Variants in RIOK3 observed in about 807,000 individuals in gnomAD.
The protein encoded by RIOK3 is serine/threonine-protein kinase RIO3.
In RIOK3, 40 loss-of-function variants were observed where a neutral mutation model predicts 63.5. The observed-to-expected ratio is 0.63, with a 90% CI of 0.49 to 0.82. RIOK3 has a LOEUF of 0.82. Among genes scored for constraint, RIOK3 ranks in the 40% least tolerant of loss-of-function variants. The pLI is 0.00. For synonymous variants in RIOK3, 193 were observed against 205.0 expected (o/e 0.94, Z 0.50); for missense variants, 557 against 637.0 (o/e 0.87, Z 1.35).
At chr18:23,459,447 G>T (rs2145671205) in intron 1 of RIOK3, among the ~76,000 whole-genome samples, 1 of 152,294 alleles carries the variant, frequency 6.6e-6, no homozygotes, top group Admixed American at 6.5e-5. Flanking sequence ...CCTTCAAGGG[G>T]TTCATGCTCC....
chr18:23,464,383 CT>C, intron 4 of RIOK3, 70 bp downstream of exon 4: 1 of 1,241,790 alleles, frequency 8.1e-7, no homozygotes, highest in Non-Finnish European at 1.1e-6. Flanking sequence ...TCAATGAACT[CT>C]TTTAGTTTTA....
intron 1 of RIOK3, among the ~76,000 whole-genome samples, chr18:23,456,121 C>T (rs991589249): frequency 7.9e-5 from 12 of 151,718 alleles, no homozygotes; most frequent in Non-Finnish European, 1.6e-4. Flanking sequence ...GTGTAGAGAT[C>T]GGATTTCACC....
At chr18:23,467,663 G>A in intron 7 of RIOK3, 137 bp downstream of exon 7, 1 of 772,948 alleles carries the variant, frequency 1.3e-6, no homozygotes, top group South Asian at 2.0e-5. Flanking sequence ...GAAAGTCTAG[G>A]CAGTATAGGA....
rs1484643222 is a variant in RIOK3 at position 23,466,414 on chromosome 18, CA to C, written c.687+139del. On this transcript the variant is annotated intron_variant, in intron 6 of 12. Coordinates refer to ENST00000339486, the MANE Select transcript of RIOK3 (RefSeq NM_003831.5). ...TTTAAATCAAAGATGTAAATAAATC[CA>C]GCCACTGTGGTGCCCGCCTGTAATC... The C allele has an allele frequency of 2.2e-5, 16 of 715,698 alleles. No homozygotes were observed. The Admixed American group carries it at 3.3e-4, about 15-fold the overall frequency. 44.3% of individuals were successfully genotyped at this position (715,698 alleles called of 1,614,324 possible).
chr18:23,467,838 G>A (rs1055404889), intron 7 of RIOK3, among the ~76,000 whole-genome samples: 7 of 151,936 alleles, frequency 4.6e-5, no homozygotes, highest in Non-Finnish European at 5.9e-5. Context: ...GTGCAGTGGC[G>A]TGATCTTGGC....
rs141332719 is a variant in RIOK3, at chr18:23,459,713, C to T, written c.64-3251C>T. On this transcript the variant is annotated intron_variant, in intron 1 of 12. Transcript: ENST00000339486. ...TTTGAGACAGTCTCGCTCTGTCACC[C>T]GGGCTGGAGTGAAGTGGCGCAATCT... 4.8e-3 allele frequency among the ~76,000 whole-genome samples: 726 copies of T among 152,282 alleles called. 3 individuals are homozygous for T. Among genetic ancestry groups the T allele is most frequent in the African/African-American group, 0.016 (665 of 41,550 alleles).
intron 1 of RIOK3, among the ~76,000 whole-genome samples, chr18:23,458,307 G>A (rs948063778): frequency 2.0e-5 from 3 of 152,092 alleles, no homozygotes; most frequent in Admixed American, 2.0e-4. Flanking sequence ...GAAGTGGAAG[G>A]AAAGGGAGAT....
chr18:23,482,772 A>G lies in RIOK3; in HGVS notation c.*1493A>G, dbSNP rs1191085404. 1.3e-5 allele frequency: 2 copies of G among 152,204 alleles called. No individual in the cohort carries two copies. Among genetic ancestry groups the G allele is most frequent in the Non-Finnish European group, 2.9e-5 (2 of 68,030 alleles). The allele number at this position is 152,204 out of a possible 1,614,324, so 9.4% of individuals were successfully genotyped here. A position where few individuals can be genotyped will look rare whatever the true frequency, so the allele number is the denominator to read the frequency against. ...AATAGAAAGTAAAAATCTAGACATC[A>G]TTTACATTTGAGAAAGCTGTTTTTA... is the stretch of plus-strand genomic sequence containing the variant. On this transcript the variant is annotated 3_prime_UTR_variant, in exon 13 of 13. Coordinates refer to ENST00000339486, the MANE Select transcript of RIOK3 (RefSeq NM_003831.5).
intron 1 of RIOK3, among the ~76,000 whole-genome samples, chr18:23,458,950 T>G (rs1164005639): frequency 6.6e-6 from 1 of 152,192 alleles, no homozygotes; most frequent in Non-Finnish European, 1.5e-5. Context: ...CTTATTTACC[T>G]CACCCAAGGA....
rs979907694 is a variant in RIOK3, at chr18:23,483,050, CAA to C, written c.*1773_*1774del. 6.6e-6 allele frequency: 1 copy of C among 152,128 alleles called. No homozygotes were observed. Among genetic ancestry groups the C allele is most frequent in the African/African-American group, 2.4e-5 (1 of 41,410 alleles). 9.4% of individuals were successfully genotyped at this position (152,128 alleles called of 1,614,324 possible). ...TGTTTTGTTTTCTGACATATTCTGA[CAA>C]AGAGCAGCAAACCACTGCTGTGTGG... On this transcript the variant is annotated 3_prime_UTR_variant, in exon 13 of 13. Coordinates refer to ENST00000339486, the MANE Select transcript of RIOK3 (RefSeq NM_003831.5).
At chr18:23,481,131 G>A in intron 12 of RIOK3, 41 bp from the exon 13 acceptor site, 1 of 1,397,874 alleles carries the variant, frequency 7.2e-7, no homozygotes, top group Non-Finnish European at 1.0e-6. Flanking sequence ...TCTGTGAAAA[G>A]TAGGATTTTG....
rs746100789 is a variant in RIOK3 at position 23,453,314 on chromosome 18, C to T, written c.-126C>T. On this transcript the variant is annotated 5_prime_UTR_variant, in exon 1 of 13. Coordinates refer to ENST00000339486, the MANE Select transcript of RIOK3 (RefSeq NM_003831.5). The stretch of plus-strand genomic sequence containing the variant: ...TTCCGGACGCGGCCGCCGCCGTCGC[C>T]GCCATCTGTCACCTCCACTCCGGCA... The T allele has an allele frequency of 3.8e-6, 3 of 787,238 alleles. No individual in the cohort carries two copies. Among genetic ancestry groups the T allele is most frequent in the South Asian group, 1.4e-5 (1 of 69,156 alleles). The allele number at this position is 787,238 out of a possible 1,614,324, so 48.8% of individuals were successfully genotyped here. A position where few individuals can be genotyped will look rare whatever the true frequency, so the allele number is the denominator to read the frequency against.
At chr18:23,467,604 A>T in intron 7 of RIOK3, 78 bp downstream of exon 7, 1 of 1,378,818 alleles carries the variant, frequency 7.3e-7, no homozygotes, top group Non-Finnish European at 1.0e-6. Flanking sequence ...ACACAGAATC[A>T]AAGATAATGC....
chr18:23,458,040 TGCATCACCACGCCTG>T (rs2057351672), intron 1 of RIOK3, among the ~76,000 whole-genome samples: 1 of 151,012 alleles, frequency 6.6e-6, no homozygotes, highest in Admixed American at 6.6e-5. Flanking sequence ...ACTACAAGTG[TGCATCACCACGCCTG>T]GCTAGTTGTT....
intron 7 of RIOK3, among the ~76,000 whole-genome samples, chr18:23,471,612 G>A (rs1320572924): frequency 6.6e-6 from 1 of 152,178 alleles, no homozygotes; most frequent in Non-Finnish European, 1.5e-5. Context: ...AGTAGTTGAA[G>A]TGAGAAATGG....
intron 9 of RIOK3, among the ~76,000 whole-genome samples, chr18:23,476,749 A>G (rs531937280): frequency 6.6e-6 from 1 of 152,140 alleles, no homozygotes; most frequent in East Asian, 1.9e-4. Context: ...TCTACTAAAA[A>G]AAATTACAAA....
chr18:23,480,856 G>A (rs1409068850), intron 12 of RIOK3, among the ~76,000 whole-genome samples: 3 of 152,196 alleles, frequency 2.0e-5, no homozygotes, highest in Non-Finnish European at 2.9e-5. Flanking sequence ...AGAGGCCAAG[G>A]CGGGTGGAAC....
chr18:23,477,084 A>G lies in RIOK3; in HGVS notation c.1252A>G (p.Lys418Glu), dbSNP rs935541189. The change falls in exon 10 of 13, where the codon AAG becomes GAG. Residue 418 changes from lysine to glutamate, a missense_variant and splice_region_variant. Coordinates refer to ENST00000339486, the MANE Select transcript of RIOK3 (RefSeq NM_003831.5). ...SEYNMLWHAG[K>E]VWLIDVSQSV... ...GTATAACATGCTGTGGCATGCTGGAAAGGTGAGGAGCACATTTTGTTAACA... is the reference window on the plus strand; with the variant it reads ...GTATAACATGCTGTGGCATGCTGGAGAGGTGAGGAGCACATTTTGTTAACA... The G allele has an allele frequency of 1.7e-5, 27 of 1,613,884 alleles. No homozygotes were observed. Among genetic ancestry groups the G allele is most frequent in the Non-Finnish European group, 2.3e-5 (27 of 1,179,776 alleles).
intron 6 of RIOK3, 69 bp downstream of exon 6, chr18:23,466,345 G>GAA: frequency 3.3e-6 from 4 of 1,217,868 alleles, no homozygotes; most frequent in South Asian, 1.7e-5. Flanking sequence ...TTTGGGTAAA[G>GAA]AAAAAAAAAC....
Sources: allele counts gnomAD v4.1 joint callset (sites outside exome capture counted in the v4.1 genomes callset), GRCh38; gene constraint gnomAD v4.1.1; transcripts MANE v1.5; gene names NCBI Gene and HGNC (gene_info 2026-07-23, HGNC 2026-07-21).